HEPH: variants seen among roughly 807,000 people sequenced by gnomAD.
HEPH encodes the protein hephaestin.
In HEPH, 69 loss-of-function variants were observed where a neutral mutation model predicts 80.8. The observed-to-expected ratio is 0.85, with a 90% CI of 0.70 to 1.04. The LOEUF (loss-of-function observed/expected upper bound fraction) is 1.04, where lower values mean the gene tolerates loss of function less well. Among genes scored for constraint, HEPH ranks in the 50% least tolerant of loss-of-function variants. The pLI, the probability that HEPH is intolerant of heterozygous loss-of-function variation, is 0.00. For synonymous variants in HEPH, 431 were observed against 322.8 expected, an observed-to-expected ratio of 1.34 and a Z score of -3.60; for missense variants, 1,115 against 891.3, an observed-to-expected ratio of 1.25 and a Z score of -3.20.
chrX:66,170,978 T>C (rs1034883054), intron 2 of HEPH: 1 of 361,047 alleles, frequency 2.8e-6, no homozygotes, highest in African/African-American at 2.6e-5. Flanking sequence ...TATTTGCTGT[T>C]TTCTAATCTC....
intron 17 of HEPH, among the ~76,000 whole-genome samples, 173 bp from the exon 18 acceptor site, chrX:66,258,667 T>C (rs1048106586): frequency 9.0e-6 from 1 of 111,529 alleles, no homozygotes; most frequent in Admixed American, 9.5e-5. Flanking sequence ...ATAATATCAA[T>C]GTAAGAAGAT....
intron 15 of HEPH, among the ~76,000 whole-genome samples, chrX:66,234,165 G>A (rs896402994): frequency 2.7e-5 from 3 of 110,961 alleles, no homozygotes; most frequent in Non-Finnish European, 3.8e-5. Context: ...TGCAGTATTT[G>A]GTTTTCTGTT....
At position 66,260,313 on chromosome X, in the gene HEPH, T is replaced by G. The variant is rs1404275021; in HGVS notation, c.3199+51T>G. Reference sequence around the variant, plus strand: ...TCATCTTCTAACACTTTATCTAGCCTATAGGAAGCAGGTAATACCAAAAAG... The same window carrying G: ...TCATCTTCTAACACTTTATCTAGCCGATAGGAAGCAGGTAATACCAAAAAG... On this transcript the variant is annotated intron_variant, in intron 19 of 20. Transcript: ENST00000343002. 3 of 1,045,843 alleles carry G rather than the reference T, an allele frequency of 2.9e-6. No individual in the cohort carries two copies. The Admixed American group carries it at 6.9e-5, about 24-fold the overall frequency. The allele number at this position is 1,045,843 out of a possible 1,213,427, so 86.2% of individuals were successfully genotyped here. A position where few individuals can be genotyped will look rare whatever the true frequency, so the allele number is the denominator to read the frequency against.
Position 66,224,446 on chromosome X carries a change from C to T in HEPH, c.2563+16200C>T, listed in dbSNP as rs183571173. Among the ~76,000 whole-genome samples the T allele has an allele frequency of 1.2e-3, 134 of 111,840 alleles. No individual in the cohort carries two copies. In the East Asian group the frequency reaches 0.024, roughly 20 times the overall value. On this transcript the variant is annotated intron_variant, in intron 15 of 20. Transcript: ENST00000343002. ...AGATTTAGTTCCCCTGTTAGGAAAC[C>T]TGCTGGGTTAAGGGAATTTTCAGTG...
intron 15 of HEPH, among the ~76,000 whole-genome samples, chrX:66,245,841 C>T (rs964097432): frequency 3.6e-5 from 4 of 112,298 alleles, no homozygotes; most frequent in African/African-American, 1.3e-4. Context: ...CAAAACCGCT[C>T]AACTACATGG....
chrX:66,239,296 A>G (rs759692343), intron 15 of HEPH, among the ~76,000 whole-genome samples: 15 of 111,574 alleles, frequency 1.3e-4, no homozygotes, highest in Admixed American at 1.1e-3. Flanking sequence ...GTCCGAGTGC[A>G]TGGTAGCCCC....
chrX:66,243,669 G>A (rs899487740), intron 15 of HEPH, among the ~76,000 whole-genome samples: 2 of 112,833 alleles, frequency 1.8e-5, no homozygotes, highest in African/African-American at 3.2e-5. Flanking sequence ...GTTTACATTC[G>A]GTTAATATTG....
intron 15 of HEPH, among the ~76,000 whole-genome samples, chrX:66,245,404 G>T (rs890518134): frequency 8.9e-6 from 1 of 111,868 alleles, no homozygotes; most frequent in Non-Finnish European, 1.9e-5. Flanking sequence ...TAATGGTAAA[G>T]GGATCAAGTC....
intron 15 of HEPH, among the ~76,000 whole-genome samples, chrX:66,245,077 A>T (rs776385588): frequency 9.0e-6 from 1 of 111,570 alleles, no homozygotes; most frequent in Non-Finnish European, 1.9e-5. Context: ...TCAACTAATG[A>T]GCAAAATAAC....
intron 16 of HEPH, 55 bp downstream of exon 16, chrX:66,255,196 C>T: frequency 1.2e-6 from 1 of 800,868 alleles, no homozygotes; most frequent in Non-Finnish European, 1.9e-6. Flanking sequence ...CAAAAAGAAG[C>T]TATTAACCAG....
At chrX:66,189,983 T>A in intron 6 of HEPH, 45 bp downstream of exon 6, 1 of 1,128,133 alleles carries the variant, frequency 8.9e-7, no homozygotes, top group Non-Finnish European at 1.2e-6. Flanking sequence ...GAGAGAGGTA[T>A]GATAATGGTC....
intron 15 of HEPH, among the ~76,000 whole-genome samples, chrX:66,213,023 T>G: frequency 9.1e-6 from 1 of 109,556 alleles, no homozygotes; most frequent in African/African-American, 3.3e-5. Context: ...ATTAATTTAT[T>G]TATTTTATTT....
At position 66,208,148 on chromosome X, in the gene HEPH, T is replaced by G; in HGVS notation, c.2465T>G (p.Leu822Arg). 5.0e-6 allele frequency: 6 copies of G among 1,200,276 alleles called. No individual in the cohort carries two copies. Among genetic ancestry groups the G allele is most frequent in the Non-Finnish European group, 6.8e-6 (6 of 886,258 alleles). Residue 822 changes from leucine to arginine, a missense_variant, in exon 15 of 21, where the codon CTG (leucine) becomes CGG (arginine). Physicochemically the swap from Leu to Arg is moderately radical, Grantham distance 102. Transcript: ENST00000343002. ...PLIKGEVGDI[L>R]TVVFKNNASR... The stretch of plus-strand genomic sequence containing the variant: ...ATCAAAGGTGAAGTTGGTGATATCC[T>G]GACTGTGGTATTCAAGAATAATGCC...
At chrX:66,244,433 C>T (rs2090724390) in intron 15 of HEPH, among the ~76,000 whole-genome samples, 1 of 111,712 alleles carries the variant, frequency 9.0e-6, no homozygotes, top group African/African-American at 3.2e-5. Flanking sequence ...CTTTCCTCAG[C>T]TTGGTTGATT....
intron 6 of HEPH, among the ~76,000 whole-genome samples, chrX:66,191,415 T>C (rs2087782389): frequency 8.9e-6 from 1 of 112,063 alleles, no homozygotes; most frequent in Non-Finnish European, 1.9e-5. Context: ...CCCTTCATCA[T>C]ACCTCAAGTT....
intron 8 of HEPH, 146 bp downstream of exon 8, chrX:66,193,784 A>G (rs1199422805): frequency 1.3e-5 from 5 of 382,108 alleles, no homozygotes; most frequent in African/African-American, 2.6e-5. Context: ...GTTTTGTGAA[A>G]GAGTTATGAG....
chrX:66,226,800 A>C (rs1173495368), intron 15 of HEPH, among the ~76,000 whole-genome samples: 2 of 111,846 alleles, frequency 1.8e-5, no homozygotes, highest in African/African-American at 6.5e-5. Context: ...GGTAATAAAA[A>C]AATTGCCAAC....
At chrX:66,258,309 G>A (rs2091247271) in intron 17 of HEPH, among the ~76,000 whole-genome samples, 1 of 111,773 alleles carries the variant, frequency 8.9e-6, no homozygotes, top group Non-Finnish European at 1.9e-5. Context: ...GTTATGGAGA[G>A]GAACTAGGAG....
Position 66,256,337 on chromosome X carries a change from A to G in HEPH, c.2896+7A>G. ...GAGAGCAATAAAATGCATGGTCAGT[A>G]GTAAAAAACCTACTCTTGTTCCAAA... On this transcript the variant is annotated splice_region_variant and intron_variant, in intron 17 of 20. Coordinates refer to ENST00000343002, the MANE Select transcript of HEPH (RefSeq NM_001367233.3). 1 of 1,164,722 alleles carries G rather than the reference A, an allele frequency of 8.6e-7. No individual in the cohort carries two copies.
Sources: allele counts gnomAD v4.1 joint callset (sites outside exome capture counted in the v4.1 genomes callset), GRCh38; gene constraint gnomAD v4.1.1; transcripts MANE v1.5; gene names NCBI Gene and HGNC (gene_info 2026-07-23, HGNC 2026-07-21).